RBM14: variants seen among roughly 807,000 people sequenced by gnomAD.
The protein encoded by RBM14 is RNA-binding protein 14.
In RBM14, 5 loss-of-function variants were observed where a neutral mutation model predicts 52.8. The observed-to-expected ratio is 0.09, with a 90% CI of 0.05 to 0.20. The LOEUF is 0.20. RBM14 is among the 10% of genes least tolerant of loss of function. RBM14 has a pLI of 1.00. For synonymous variants in RBM14, 411 were observed against 401.8 expected (o/e 1.02, Z -0.28); for missense variants, 780 against 926.6 (o/e 0.84, Z 2.05).
intron 1 of RBM14, among the ~76,000 whole-genome samples, chr11:66,619,688 T>TC (rs1859012591): frequency 6.6e-6 from 1 of 151,800 alleles, no homozygotes; most frequent in African/African-American, 2.4e-5. Context: ...TGCCTCAGCC[T>TC]CCCGAGTAGC....
rs201694656 is a variant in RBM14 at position 66,624,977 on chromosome 11, C to T, written c.1101C>T (p.Thr367=). 3 of 1,613,938 alleles carry T rather than the reference C, an allele frequency of 1.9e-6. No individual in the cohort carries two copies. Among genetic ancestry groups the T allele is most frequent in the Middle Eastern group, 1.6e-4 (1 of 6,062 alleles). The stretch of plus-strand genomic sequence containing the variant: ...GTGCAGCTGCTTCTTCCTACAACAC[C>T]CAGGGAGCAGCTTCCTCCTTAGGCT... ...GVRAAASSYN[T]QGAASSLGSY... The change falls in exon 2 of 3, where the codon ACC becomes ACT. Residue 367 remains threonine (T), a synonymous_variant. Transcript: ENST00000310137. This position sits in a 1 kb window ranked among gnomAD's most constrained non-coding sequence, Gnocchi z 4.7.
At chr11:66,621,156 C>T (rs185913320) in intron 1 of RBM14, among the ~76,000 whole-genome samples, 124 of 152,022 alleles carry the variant, frequency 8.2e-4, no homozygotes, top group Non-Finnish European at 1.3e-3. Flanking sequence ...CAGGAGGGAG[C>T]CACCATTCCT....
chr11:66,626,410 AG>A, intron 2 of RBM14, 50 bp from the exon 3 acceptor site: 1 of 1,537,134 alleles, frequency 6.5e-7, no homozygotes, highest in South Asian at 1.1e-5. Context: ...GCCCACCTGG[AG>A]TCCTCCCCTC....
Position 66,626,880 on chromosome 11 carries a change from G to T in RBM14, c.*212G>T. The T allele has an allele frequency of 1.8e-6, 1 of 541,238 alleles. No individual in the cohort carries two copies. The highest frequency in any genetic ancestry group is 1.9e-5 in the African/African-American group (1 of 52,396). The allele number at this position is 541,238 out of a possible 1,614,324, so 33.5% of individuals were successfully genotyped here. A position where few individuals can be genotyped will look rare whatever the true frequency, so the allele number is the denominator to read the frequency against. On this transcript the variant is annotated 3_prime_UTR_variant, in exon 3 of 3. Transcript: ENST00000310137. ...GCCTCAGCAGCAAATCTTGCTACTG[G>T]CTCTAGATCTGCGGTTTCCCCTCTA... is the stretch of plus-strand genomic sequence containing the variant.
intron 1 of RBM14, among the ~76,000 whole-genome samples, chr11:66,622,626 CACTTCTG>C (rs1371655228): frequency 6.6e-6 from 1 of 152,192 alleles, no homozygotes; most frequent in South Asian, 2.1e-4. Flanking sequence ...TGCTATGCCA[CACTTCTG>C]ACTTCTACTT....
intron 2 of RBM14, among the ~76,000 whole-genome samples, 188 bp from the exon 3 acceptor site, chr11:66,626,273 A>C (rs1033355514): frequency 2.0e-5 from 3 of 152,126 alleles, no homozygotes; most frequent in Admixed American, 6.5e-5. Flanking sequence ...TTGATTTCCC[A>C]CTGAGTTGAA....
intron 1 of RBM14, among the ~76,000 whole-genome samples, chr11:66,621,415 T>C (rs954885510): frequency 6.6e-6 from 1 of 152,090 alleles, no homozygotes; most frequent in Non-Finnish European, 1.5e-5. Flanking sequence ...TTCATCCTTT[T>C]TGCCCAGGCT....
rs758618260 is a variant in RBM14, at chr11:66,626,846, T to C, written c.*178T>C. 3.1e-6 allele frequency: 2 copies of C among 638,432 alleles called. No homozygotes were observed. The highest frequency in any genetic ancestry group is 1.8e-5 in the African/African-American group (1 of 54,370). The allele number at this position is 638,432 out of a possible 1,614,324, so 39.5% of individuals were successfully genotyped here. A position where few individuals can be genotyped will look rare whatever the true frequency, so the allele number is the denominator to read the frequency against. ...TTAAGTGTTCGGCAGTAACCTACTT[T>C]GTTCCTTCGCCTCAGCAGCAAATCT... On this transcript the variant is annotated 3_prime_UTR_variant, in exon 3 of 3. Transcript: ENST00000310137.
Position 66,624,703 on chromosome 11 carries a change from A to G in RBM14, c.827A>G (p.Gln276Arg), listed in dbSNP as rs1590846728. The G allele has an allele frequency of 1.9e-6, 3 of 1,613,948 alleles. No homozygotes were observed. The highest frequency in any genetic ancestry group is 2.5e-6 in the Non-Finnish European group (3 of 1,179,942). ...GCCCAGGCAGCCTCTTACCGCGCTC[A>G]GCCCTCTGTCTCCCTTGGGGCACCA... ...MTAQAASYRA[Q>R]PSVSLGAPYR... Residue 276 changes from glutamine to arginine, a missense_variant, in exon 2 of 3, where the codon CAG (glutamine) becomes CGG (arginine). This residue lies in a region of RBM14 where 675 missense variants were observed against 697.3 expected (regional missense o/e 0.97). Transcript: ENST00000310137. This position sits in a 1 kb window ranked among gnomAD's most constrained non-coding sequence, Gnocchi z 4.7.
At chr11:66,620,314 AT>A (rs200175902) in intron 1 of RBM14, among the ~76,000 whole-genome samples, 8 of 150,670 alleles carry the variant, frequency 5.3e-5, no homozygotes, top group African/African-American at 1.2e-4. Flanking sequence ...TATATTTATT[AT>A]TTTTTTTTAT....
chr11:66,625,183 C>G lies in RBM14; in HGVS notation c.1307C>G (p.Pro436Arg), dbSNP rs1937731400. 6.2e-7 allele frequency: 1 copy of G among 1,612,244 alleles called. No individual in the cohort carries two copies. The highest frequency in any genetic ancestry group is 1.3e-5 in the African/African-American group (1 of 74,896). Residue 436 changes from proline (P) to arginine (R), a missense_variant, in exon 2 of 3, where the codon CCA becomes CGA. Pro to Arg is a moderately radical substitution (Grantham distance 103, BLOSUM62 -2). Transcript: ENST00000310137. The surrounding 1 kb of genome is among the most constrained non-coding windows in gnomAD (Gnocchi z 4.2). ...SSQPAAYVAQ[P>R]ATAAAYASQP... ...CAACCTGCTGCCTATGTGGCACAGC[C>G]AGCCACAGCTGCTGCCTATGCCAGC...
chr11:66,619,607 C>T (rs1212021406), intron 1 of RBM14: 1 of 151,506 alleles, frequency 6.6e-6, no homozygotes, highest in African/African-American at 2.4e-5. Flanking sequence ...GGCTCTGTCG[C>T]CCAGGCTGGA....
At position 66,625,718 on chromosome 11, in the gene RBM14, T is replaced by G; in HGVS notation, c.1802+40T>G. 6.8e-7 allele frequency: 1 copy of G among 1,478,094 alleles called. No homozygotes were observed. The allele number at this position is 1,478,094 out of a possible 1,614,324, so 91.6% of individuals were successfully genotyped here. On this transcript the variant is annotated intron_variant, in intron 2 of 2. Coordinates refer to ENST00000310137, the MANE Select transcript of RBM14 (RefSeq NM_006328.4). The surrounding 1 kb of genome is among the most constrained non-coding windows in gnomAD (Gnocchi z 4.2). ...CCCGCCTCTGCCCCCAGCTGGGGCT[T>G]AGGGCAAGGGGCTGAGGTTGGCATG...
In RBM14 at chr11:66,624,146, A is replaced by T. The variant is rs1446936753; in HGVS notation, c.338-68A>T. The T allele has an allele frequency of 6.5e-7, 1 of 1,540,718 alleles. No individual in the cohort carries two copies. Among genetic ancestry groups the T allele is most frequent in the African/African-American group, 1.4e-5 (1 of 72,724 alleles). ...ACAGCTGGGTGCTGTTGTGTGTCCAATTTGGGACCCATCAGGTAGCATGCC... is the reference window on the plus strand; with the variant it reads ...ACAGCTGGGTGCTGTTGTGTGTCCATTTTGGGACCCATCAGGTAGCATGCC... On this transcript the variant is annotated intron_variant, in intron 1 of 2. Transcript: ENST00000310137. The surrounding 1 kb of genome is among the most constrained non-coding windows in gnomAD (Gnocchi z 4.7).
intron 2 of RBM14, 56 bp from the exon 3 acceptor site, chr11:66,626,405 C>G: frequency 6.6e-7 from 1 of 1,525,954 alleles, no homozygotes; most frequent in Non-Finnish European, 9.0e-7. Context: ...CCAATGCCCA[C>G]CTGGAGTCCT....
rs1299989475 is a variant in RBM14, at chr11:66,628,493, G to GT, written c.*1826dup. On this transcript the variant is annotated 3_prime_UTR_variant, in exon 3 of 3. Coordinates refer to ENST00000310137, the MANE Select transcript of RBM14 (RefSeq NM_006328.4). ...TGCAAAAGCATTCGATCTTATGACC[G>GT]TGAGTTCTTATTTGTGGATGCTAAC... is the stretch of plus-strand genomic sequence containing the variant. Among the ~76,000 whole-genome samples the GT allele has an allele frequency of 7.3e-6, 1 of 136,320 alleles. No individual in the cohort carries two copies. Among genetic ancestry groups the GT allele is most frequent in the African/African-American group, 2.5e-5 (1 of 40,404 alleles). 89.4% of individuals were successfully genotyped at this position (136,320 alleles called of 152,430 possible). A position where few individuals can be genotyped will look rare whatever the true frequency, so the allele number is the denominator to read the frequency against.
chr11:66,625,346 G>C lies in RBM14; in HGVS notation c.1470G>C (p.Ser490=). The change falls in exon 2 of 3, where the codon TCG becomes TCC. Residue 490 remains serine (S), a synonymous_variant. Coordinates refer to ENST00000310137, the MANE Select transcript of RBM14 (RefSeq NM_006328.4). This position sits in a 1 kb window ranked among gnomAD's most constrained non-coding sequence, Gnocchi z 4.2. Reference sequence around the variant, plus strand: ...TTTCAGGCTCCTATGGGGCTCAGTCGGCTGCTGCGGCCACTGGCTCCTATG... The same window carrying C: ...TTTCAGGCTCCTATGGGGCTCAGTCCGCTGCTGCGGCCACTGGCTCCTATG... The part of the protein sequence containing the change: ...MGLSGSYGAQ[S]AAAATGSYGA... The C allele has an allele frequency of 6.2e-7, 1 of 1,606,544 alleles. No homozygotes were observed. The highest frequency in any genetic ancestry group is 8.5e-7 in the Non-Finnish European group (1 of 1,177,670).
Position 66,625,551 on chromosome 11 carries a change from C to A in RBM14, c.1675C>A (p.Leu559Met). 1 of 1,612,706 alleles carries A rather than the reference C, an allele frequency of 6.2e-7. No individual in the cohort carries two copies. The highest frequency in any genetic ancestry group is 8.5e-7 in the Non-Finnish European group (1 of 1,179,736). ...GGCAGGTCAGCCGTCTGCAGCCTAC[C>A]TGTCCATGTCCCAGGGGGCCGTTGC... The part of the protein sequence containing the change: ...DGAGQPSAAY[L>M]SMSQGAVANA... The change falls in exon 2 of 3, where the codon CTG (leucine) becomes ATG (methionine). Residue 559 changes from leucine (L) to methionine (M), a missense_variant. Transcript: ENST00000310137. The surrounding 1 kb of genome is among the most constrained non-coding windows in gnomAD (Gnocchi z 4.2).
chr11:66,621,965 A>T (rs986813829), intron 1 of RBM14, among the ~76,000 whole-genome samples: 1 of 151,942 alleles, frequency 6.6e-6, no homozygotes, highest in Non-Finnish European at 1.5e-5. Flanking sequence ...CCCAGGCTGG[A>T]GTGCAGTGAT....
Sources: allele counts gnomAD v4.1 joint callset (sites outside exome capture counted in the v4.1 genomes callset), GRCh38; gene constraint gnomAD v4.1.1; regional missense constraint gnomAD v4.1.1; non-coding constraint Gnocchi (gnomAD v3.1); transcripts MANE v1.5; gene names NCBI Gene and HGNC (gene_info 2026-07-23, HGNC 2026-07-21).